PAG1: variants seen among roughly 807,000 people sequenced by gnomAD.
PAG1 encodes the protein phosphoprotein membrane anchor with glycosphingolipid microdomains 1.
A neutral mutation model predicts 31.7 loss-of-function variants in PAG1; 23 were observed. The ratio of observed to expected loss-of-function variants is 0.73; its 90% CI spans 0.52 to 1.03. The LOEUF is 1.03. Among genes scored for constraint, PAG1 ranks in the 50% least tolerant of loss-of-function variants. PAG1 has a pLI of 0.00. For missense variants in PAG1, 473 were observed against 540.7 expected (o/e 0.87, Z 1.24); for synonymous variants, 214 against 210.3 (o/e 1.02, Z -0.15).
Position 80,988,307 on chromosome 8 carries a change from C to T in PAG1, c.178-841G>A, listed in dbSNP as rs140090702. On this transcript the variant is annotated intron_variant, in intron 5 of 8. Transcript: ENST00000220597. ...CTATGAGAAACGTGGAAAGGCATCA[C>T]CCTTTGTCATGTGAAGGGAACAGAC... 1.8e-3 allele frequency among the ~76,000 whole-genome samples: 275 copies of T among 152,272 alleles called. 2 individuals are homozygous for T. Among genetic ancestry groups the T allele is most frequent in the African/African-American group, 5.6e-3 (232 of 41,548 alleles).
At chr8:81,016,652 G>A (rs1223670588) in intron 3 of PAG1, among the ~76,000 whole-genome samples, 3 of 152,126 alleles carry the variant, frequency 2.0e-5, no homozygotes, top group Non-Finnish European at 4.4e-5. Context: ...TCTACCTGTG[G>A]TTGATTGCAA....
chr8:81,028,161 G>A (rs1808317381), intron 3 of PAG1, among the ~76,000 whole-genome samples: 1 of 152,166 alleles, frequency 6.6e-6, no homozygotes, highest in Admixed American at 6.5e-5. Context: ...GGAGAAGTGG[G>A]AACACATAGC....
intron 2 of PAG1, among the ~76,000 whole-genome samples, chr8:81,054,608 G>A: frequency 6.6e-6 from 1 of 152,192 alleles, no homozygotes; most frequent in Admixed American, 6.5e-5. Flanking sequence ...CCTGGGAGAT[G>A]GAGCTTGCAG....
chr8:80,990,018 T>C lies in PAG1; in HGVS notation c.177+1461A>G, dbSNP rs1807507320. Among the ~76,000 whole-genome samples, 1 of 151,778 alleles carries C rather than the reference T, an allele frequency of 6.6e-6. No individual in the cohort carries two copies. The highest frequency in any genetic ancestry group is 1.5e-5 in the Non-Finnish European group (1 of 67,946). ...GAGTCTGCATGGGGAGAAGCGACAG[T>C]GGGGCGTTCCCTCCATCCCTCCCAC... On this transcript the variant is annotated intron_variant, in intron 5 of 8. Coordinates refer to ENST00000220597, the MANE Select transcript of PAG1 (RefSeq NM_018440.4). This position sits in a 1 kb window ranked among gnomAD's most constrained non-coding sequence, Gnocchi z 5.1.
At chr8:81,019,726 T>C (rs776774494) in intron 3 of PAG1, among the ~76,000 whole-genome samples, 13 of 152,138 alleles carry the variant, frequency 8.5e-5, no homozygotes, top group Non-Finnish European at 1.6e-4. Context: ...GCTAGAGCAG[T>C]GTGGAAAGAA....
intron 2 of PAG1, among the ~76,000 whole-genome samples, chr8:81,045,164 C>T (rs111528409): frequency 7.2e-4 from 109 of 152,236 alleles, no homozygotes; most frequent in African/African-American, 2.3e-3. Flanking sequence ...AGAAATGTAT[C>T]ATGATTTTTT....
chr8:80,981,155 T>G (rs901635276), intron 7 of PAG1, among the ~76,000 whole-genome samples: 1 of 152,046 alleles, frequency 6.6e-6, no homozygotes, highest in African/African-American at 2.4e-5. Context: ...AGCACCCTCA[T>G]GGCTGCACCC....
At chr8:81,060,587 T>C (rs1808901219) in intron 2 of PAG1, among the ~76,000 whole-genome samples, 1 of 152,232 alleles carries the variant, frequency 6.6e-6, no homozygotes, top group African/African-American at 2.4e-5. Context: ...GGAGACTTTA[T>C]GGCATGTACA....
Position 81,104,827 on chromosome 8 carries a change from A to G in PAG1, c.-234+6764T>C, listed in dbSNP as rs1809666403. 2.6e-5 allele frequency among the ~76,000 whole-genome samples: 4 copies of G among 152,124 alleles called. No individual in the cohort carries two copies. In the South Asian group the frequency reaches 6.2e-4, roughly 24 times the overall value. On this transcript the variant is annotated intron_variant, in intron 1 of 8. Coordinates refer to ENST00000220597, the MANE Select transcript of PAG1 (RefSeq NM_018440.4). The stretch of plus-strand genomic sequence containing the variant: ...ACTTTGTCTGTCCCTTACCCCATCC[A>G]TTCTGTGTAATATACCCAGAGTGAT...
intron 3 of PAG1, among the ~76,000 whole-genome samples, chr8:81,014,442 C>G (rs1296317544): frequency 2.0e-5 from 3 of 152,254 alleles, no homozygotes; most frequent in African/African-American, 7.2e-5. Context: ...CAGAAAGTGA[C>G]CCATACTCCA....
At chr8:80,983,373 CT>C (rs1807347142) in intron 7 of PAG1, among the ~76,000 whole-genome samples, 1 of 152,152 alleles carries the variant, frequency 6.6e-6, no homozygotes, top group South Asian at 2.1e-4. Context: ...CTCTTATAAA[CT>C]TTAAACTTTA....
chr8:81,040,723 C>T (rs1050771482), intron 2 of PAG1: 6 of 151,984 alleles, frequency 3.9e-5, no homozygotes, highest in African/African-American at 1.5e-4. Context: ...ATTATGTATA[C>T]CCCATGTTTT....
chr8:81,100,690 G>A (rs1174304032), intron 1 of PAG1, among the ~76,000 whole-genome samples: 1 of 152,200 alleles, frequency 6.6e-6, no homozygotes, highest in Non-Finnish European at 1.5e-5. Context: ...AAGCTAATGA[G>A]AACATCAAGA....
At chr8:81,040,724 C>T (rs537884013) in intron 2 of PAG1, 2 of 151,842 alleles carry the variant, frequency 1.3e-5, no homozygotes, top group African/African-American at 4.8e-5. Flanking sequence ...TTATGTATAC[C>T]CCATGTTTTA....
chr8:81,109,745 C>T (rs931897783), intron 1 of PAG1, among the ~76,000 whole-genome samples: 1 of 152,116 alleles, frequency 6.6e-6, no homozygotes. Context: ...ATTTAATTCT[C>T]ACTACTGTTC....
intron 6 of PAG1, among the ~76,000 whole-genome samples, chr8:80,986,498 G>C (rs1807425640): frequency 6.6e-6 from 1 of 152,172 alleles, no homozygotes; most frequent in South Asian, 2.1e-4. Flanking sequence ...TGATGCAGAG[G>C]TTATGCAGAG....
chr8:80,983,977 C>T (rs910583412), intron 7 of PAG1, among the ~76,000 whole-genome samples: 1 of 152,178 alleles, frequency 6.6e-6, no homozygotes, highest in Admixed American at 6.5e-5. Flanking sequence ...CCATGAACTA[C>T]GGAAGGTTTT....
At position 80,984,766 on chromosome 8, in the gene PAG1, C is replaced by T. The variant is rs1807378411; in HGVS notation, c.876+10G>A. On this transcript the variant is annotated intron_variant, in intron 7 of 8. Transcript: ENST00000220597. ...ACCCACAAAGACAAAACAAAAACGC[C>T]AGTGCCCACCTTGTTAGTTTCACTG... is the stretch of plus-strand genomic sequence containing the variant. The T allele has an allele frequency of 1.9e-6, 3 of 1,609,902 alleles. No homozygotes were observed. Among genetic ancestry groups the T allele is most frequent in the East Asian group, 4.5e-5 (2 of 44,836 alleles).
intron 1 of PAG1, among the ~76,000 whole-genome samples, chr8:81,100,981 C>A (rs1447290147): frequency 6.6e-6 from 1 of 152,050 alleles, no homozygotes. Flanking sequence ...TCTAGGAGAA[C>A]GATTTTGAAA....
Sources: gnomAD v4.1 joint callset for allele counts (sites outside exome capture counted in the v4.1 genomes callset) on GRCh38, gnomAD v4.1.1 for gene constraint, Gnocchi (gnomAD v3.1) non-coding constraint, MANE v1.5 for transcripts, NCBI Gene and HGNC (gene_info 2026-07-23, HGNC 2026-07-21) for gene names.